Variants in UTRN observed in about 807,000 individuals in gnomAD.
UTRN encodes the protein dystrophin-related protein 1.
UTRN carries 283 observed loss-of-function variants against 463.9 expected under a neutral mutation model. The ratio of observed to expected loss-of-function variants is 0.61; its 90% confidence interval spans 0.55 to 0.67. The LOEUF (loss-of-function observed/expected upper bound fraction) is 0.67. UTRN is among the 30% of genes least tolerant of loss of function. The pLI, the probability that UTRN is intolerant of heterozygous loss-of-function variation, is 0.00. For missense variants in UTRN, 3,922 were observed against 4,084.3 expected, an observed-to-expected ratio of 0.96 and a Z score of 1.08; for synonymous variants, 1,442 against 1,431.5, an observed-to-expected ratio of 1.01 and a Z score of -0.17.
intron 53 of UTRN, among the ~76,000 whole-genome samples, chr6:144,729,570 A>G (rs1788299380): frequency 6.6e-6 from 1 of 152,252 alleles, no homozygotes; most frequent in Non-Finnish European, 1.5e-5. Context: ...CAACATTAAC[A>G]AATTCCATTT....
At chr6:144,587,382 G>A (rs771669088) in intron 51 of UTRN, among the ~76,000 whole-genome samples, 1 of 152,104 alleles carries the variant, frequency 6.6e-6, no homozygotes, top group Non-Finnish European at 1.5e-5. Context: ...CTTTGTGGCT[G>A]TGTGTGTGTG....
At chr6:144,694,227 G>A (rs1783736095) in intron 52 of UTRN, among the ~76,000 whole-genome samples, 2 of 129,148 alleles carry the variant, frequency 1.5e-5, no homozygotes, top group Admixed American at 7.6e-5. Context: ...TTGCATCCTA[G>A]GGATAAAGCC....
chr6:144,436,048 C>A lies in UTRN; in HGVS notation c.969C>A (p.Thr323=). The stretch of plus-strand genomic sequence containing the variant: ...AGATTGCGTTGGAGGAAGTGCTGAC[C>A]TGGTTGCTTTCTGCTGAGGACACTT... The part of the protein sequence containing the change: ...SYQIALEEVL[T]WLLSAEDTFQ... Residue 323 remains threonine, a synonymous_variant, in exon 10 of 75, where the codon ACC becomes ACA. Coordinates refer to ENST00000367545, the MANE Select transcript of UTRN (RefSeq NM_007124.3). The A allele has an allele frequency of 6.2e-7, 1 of 1,614,208 alleles. No individual in the cohort carries two copies. Among genetic ancestry groups the A allele is most frequent in the Non-Finnish European group, 8.5e-7 (1 of 1,180,032 alleles).
chr6:144,502,345 C>CATTT (rs964068668), intron 34 of UTRN, among the ~76,000 whole-genome samples: 2 of 151,634 alleles, frequency 1.3e-5, no homozygotes, highest in African/African-American at 4.8e-5. Flanking sequence ...GTGCCATGGT[C>CATTT]ATTTGTCTCA....
chr6:144,423,754 G>A, intron 5 of UTRN, 128 bp downstream of exon 5: 1 of 1,171,828 alleles, frequency 8.5e-7, no homozygotes, highest in South Asian at 1.4e-5. Flanking sequence ...GAGAAATACT[G>A]AACTTTTTCT....
chr6:144,690,087 T>TGTG (rs1320702930), intron 52 of UTRN, among the ~76,000 whole-genome samples: 5 of 41,330 alleles, frequency 1.2e-4, no homozygotes, highest in African/African-American at 6.4e-4. Flanking sequence ...TTTTTTTTTT[T>TGTG]TTTTTTTTTG....
intron 35 of UTRN, among the ~76,000 whole-genome samples, chr6:144,513,701 ATAAATT>A (rs1402167292): frequency 6.6e-6 from 1 of 152,230 alleles, no homozygotes; most frequent in Non-Finnish European, 1.5e-5. Context: ...TCTAAATCAA[ATAAATT>A]TAAAAAGTGT....
At position 144,644,002 on chromosome 6, in the gene UTRN, A is replaced by G. The variant is rs9497033; in HGVS notation, c.7480-34404A>G. ...CTGAAAAAGGCAAAATCGATGGGAAATTTTTCTTCTTAATATTGAATCACG... is the reference window on the plus strand; with the variant it reads ...CTGAAAAAGGCAAAATCGATGGGAAGTTTTTCTTCTTAATATTGAATCACG... On this transcript the variant is annotated intron_variant, in intron 51 of 74. Transcript: ENST00000367545. Among the ~76,000 whole-genome samples, 940 of 152,132 alleles carry G rather than the reference A, an allele frequency of 6.2e-3. 8 individuals carry two copies. Among genetic ancestry groups the G allele is most frequent in the African/African-American group, 0.022 (908 of 41,492 alleles).
intron 50 of UTRN, among the ~76,000 whole-genome samples, chr6:144,575,175 A>G (rs1253036557): frequency 3.3e-5 from 5 of 152,218 alleles, no homozygotes; most frequent in African/African-American, 4.8e-5. Flanking sequence ...TCATCTAAAC[A>G]TCTTCTATGG....
chr6:144,441,436 C>G (rs989922886), intron 13 of UTRN, among the ~76,000 whole-genome samples: 1 of 152,232 alleles, frequency 6.6e-6, no homozygotes, highest in African/African-American at 2.4e-5. Flanking sequence ...TCAAAATGAT[C>G]TCCTTTGACT....
At chr6:144,458,272 C>T (rs552667423) in intron 19 of UTRN, among the ~76,000 whole-genome samples, 187 of 152,252 alleles carry the variant, frequency 1.2e-3, no homozygotes, top group Non-Finnish European at 7.1e-4. Context: ...AGGTTGCTTC[C>T]CAGCATAAGG....
At chr6:144,795,944 T>G (rs1011974731) in intron 63 of UTRN, among the ~76,000 whole-genome samples, 1 of 152,196 alleles carries the variant, frequency 6.6e-6, no homozygotes, top group African/African-American at 2.4e-5. Flanking sequence ...ATTTTGCCTT[T>G]TGTTGCCATT....
intron 53 of UTRN, among the ~76,000 whole-genome samples, chr6:144,721,518 C>G (rs183209732): frequency 1.3e-5 from 2 of 152,236 alleles, no homozygotes; most frequent in African/African-American, 4.8e-5. Context: ...CTCAGTTTTC[C>G]TTTTTGAAAT....
At chr6:144,529,843 C>T (rs548845881) in intron 41 of UTRN, among the ~76,000 whole-genome samples, 36 of 152,140 alleles carry the variant, frequency 2.4e-4, no homozygotes, top group African/African-American at 8.7e-4. Context: ...ACTTCTAAAA[C>T]TCAGCTCCAT....
chr6:144,481,211 G>A (rs955019362), intron 26 of UTRN, among the ~76,000 whole-genome samples: 1 of 152,132 alleles, frequency 6.6e-6, no homozygotes, highest in African/African-American at 2.4e-5. Flanking sequence ...CCAATCTAAG[G>A]AAGTTCAAAA....
At chr6:144,517,327 AAGATTCACTACCAG>A (rs1795708062) in intron 39 of UTRN, among the ~76,000 whole-genome samples, 1 of 152,012 alleles carries the variant, frequency 6.6e-6, no homozygotes, top group South Asian at 2.1e-4. Context: ...TATTCTAGTA[AAGATTCACTACCAG>A]CTCCCTTTTT....
Position 144,389,250 on chromosome 6 carries a change from G to A in UTRN, c.80-13873G>A, listed in dbSNP as rs1318286190. On this transcript the variant is annotated intron_variant, in intron 2 of 74. Coordinates refer to ENST00000367545, the MANE Select transcript of UTRN (RefSeq NM_007124.3). ...GAATATCTGATTAGCCTCTCCGAAGGAGGCAATCAGATATGCATTTATCTC... is the reference window on the plus strand; with the variant it reads ...GAATATCTGATTAGCCTCTCCGAAGAAGGCAATCAGATATGCATTTATCTC... Among the ~76,000 whole-genome samples the A allele has an allele frequency of 4.6e-5, 7 of 152,200 alleles. No individual in the cohort carries two copies. In the South Asian group the frequency reaches 1.0e-3, roughly 22 times the overall value.
At position 144,715,238 on chromosome 6, in the gene UTRN, A is replaced by G. The variant is rs557954238; in HGVS notation, c.7809+14995A>G. Among the ~76,000 whole-genome samples, 3 of 152,292 alleles carry G rather than the reference A, an allele frequency of 2.0e-5. No homozygotes were observed. In the East Asian group the frequency reaches 5.8e-4, roughly 29 times the overall value. Reference sequence around the variant, plus strand: ...GAATATTATTTCAGTTGCTTAGGTAACAAATAATAATCACCTTTAGTCCTG... The same window carrying G: ...GAATATTATTTCAGTTGCTTAGGTAGCAAATAATAATCACCTTTAGTCCTG... On this transcript the variant is annotated intron_variant, in intron 53 of 74. Transcript: ENST00000367545.
chr6:144,613,083 G>A (rs1248713151), intron 51 of UTRN, among the ~76,000 whole-genome samples: 2 of 152,020 alleles, frequency 1.3e-5, no homozygotes, highest in Non-Finnish European at 2.9e-5. Flanking sequence ...AAGTCATTAT[G>A]TAAAGAGATT....
Sources: gnomAD v4.1 joint callset for allele counts (sites outside exome capture counted in the v4.1 genomes callset) on GRCh38, gnomAD v4.1.1 for gene constraint, MANE v1.5 for transcripts, NCBI Gene and HGNC (gene_info 2026-07-23, HGNC 2026-07-21) for gene names.